Variants in NFRKB observed in about 807,000 individuals in gnomAD.
The protein encoded by NFRKB is nuclear factor related to kappaB binding protein, also known as nuclear factor related to kappa-B-binding protein.
In NFRKB, 62 loss-of-function variants were observed where a neutral mutation model predicts 135.7. That is an observed-to-expected ratio of 0.46 (90% confidence interval 0.37 to 0.56). The LOEUF is 0.56. Among genes scored for constraint, NFRKB ranks in the 20% least tolerant of loss-of-function variants. NFRKB has a pLI of 0.00. For missense variants in NFRKB, 1,545 were observed against 1,662.0 expected (o/e 0.93, Z 1.22); for synonymous variants, 678 against 635.6 (o/e 1.07, Z -1.00).
chr11:129,881,912 A>C, intron 11 of NFRKB, 59 bp from the exon 12 acceptor site: 1 of 1,544,492 alleles, frequency 6.5e-7, no homozygotes, highest in Non-Finnish European at 8.7e-7. Flanking sequence ...GCAATTCCAC[A>C]CAAGTGCCAC....
At position 129,874,476 on chromosome 11, in the gene NFRKB, C is replaced by A. The variant is rs375767535; in HGVS notation, c.2058+25G>T. On this transcript the variant is annotated intron_variant, in intron 20 of 26. Coordinates refer to ENST00000682444, the MANE Select transcript of NFRKB (RefSeq NM_001143835.2). This position sits in a 1 kb window ranked among gnomAD's most constrained non-coding sequence, Gnocchi z 4.5. ...TGCCTCCATCCCAGAATCCCTAGGGCAGACACTCTCCTGAAGTCACTTACC... is the reference window on the plus strand; with the variant it reads ...TGCCTCCATCCCAGAATCCCTAGGGAAGACACTCTCCTGAAGTCACTTACC... The A allele has an allele frequency of 1.5e-5, 24 of 1,607,520 alleles. No individual in the cohort carries two copies. The highest frequency in any genetic ancestry group is 2.0e-5 in the Non-Finnish European group (24 of 1,177,476).
rs778068389 is a variant in NFRKB, at chr11:129,873,790, C to G, written c.2505G>C (p.Gln835His). 1 of 1,614,164 alleles carries G rather than the reference C, an allele frequency of 6.2e-7. No individual in the cohort carries two copies. The highest frequency in any genetic ancestry group is 1.1e-5 in the South Asian group (1 of 91,078). Residue 835 changes from glutamine to histidine, a missense_variant, in exon 22 of 27, where the codon CAG becomes CAC. Gln to His is a conservative substitution (Grantham distance 24). This residue lies in a region of NFRKB where 753 missense variants were observed against 804.3 expected (regional missense o/e 0.94). Transcript: ENST00000682444. Reference sequence around the variant, plus strand: ...GTGTGGCAGTGGCTGGAACCCGGATCTGCGGTCCTGCTGGCATCTGTGGCA... The same window carrying G: ...GTGTGGCAGTGGCTGGAACCCGGATGTGCGGTCCTGCTGGCATCTGTGGCA... ...QTLPQMPAGP[Q>H]IRVPATATQT...
In NFRKB at chr11:129,873,069, C is replaced by T. The variant is rs900421506; in HGVS notation, c.2578G>A (p.Ala860Thr). 6.2e-7 allele frequency: 1 copy of T among 1,611,660 alleles called. No individual in the cohort carries two copies. The highest frequency in any genetic ancestry group is 8.5e-7 in the Non-Finnish European group (1 of 1,178,902). Reference sequence around the variant, plus strand: ...TGCACAGTGGCTGCCGTAGTCTGCGCTTTGACGGGCACAGTGGCCATTACT... The same window carrying T: ...TGCACAGTGGCTGCCGTAGTCTGCGTTTTGACGGGCACAGTGGCCATTACT... ...QTVMATVPVK[A>T]QTTAATVQRP... Residue 860 changes from alanine to threonine, a missense_variant, in exon 23 of 27, where the codon GCG becomes ACG. Transcript: ENST00000682444.
At chr11:129,895,385 CG>C (rs1949726956) in intron 1 of NFRKB, 110 bp downstream of exon 1, 1 of 152,930 alleles carries the variant, frequency 6.5e-6, no homozygotes, top group African/African-American at 2.4e-5. Context: ...GCCCCGCTCC[CG>C]CTCCCCACGC....
chr11:129,873,835 C>T lies in NFRKB; in HGVS notation c.2460G>A (p.Ser820=), dbSNP rs555958173. Residue 820 remains serine, a synonymous_variant, in exon 22 of 27, where the codon TCG becomes TCA. Coordinates refer to ENST00000682444, the MANE Select transcript of NFRKB (RefSeq NM_001143835.2). Reference sequence around the variant, plus strand: ...GTGGCAATGTCTGTGCCGGCCCTCCCGACTGCTGGGGAACAGCAGGAAGGC... The same window carrying T: ...GTGGCAATGTCTGTGCCGGCCCTCCTGACTGCTGGGGAACAGCAGGAAGGC... The part of the protein sequence containing the change: ...QPSLPAVPQQ[S]GGPAQTLPQM... 34 of 1,614,180 alleles carry T rather than the reference C, an allele frequency of 2.1e-5. No homozygotes were observed. The highest frequency in any genetic ancestry group is 2.7e-5 in the Non-Finnish European group (32 of 1,180,038).
intron 13 of NFRKB, 86 bp from the exon 14 acceptor site, chr11:129,878,629 A>G (rs751015743): frequency 2.1e-5 from 23 of 1,072,732 alleles, no homozygotes; most frequent in Non-Finnish European, 2.8e-5. Context: ...CTGTAACTAC[A>G]ACACAGAGAG....
intron 15 of NFRKB, among the ~76,000 whole-genome samples, chr11:129,878,040 G>A (rs1948852681): frequency 1.3e-5 from 2 of 152,098 alleles, no homozygotes; most frequent in South Asian, 2.1e-4. Flanking sequence ...GCCCAGGGAG[G>A]AGTACACATT....
At chr11:129,877,490 T>C (rs759709529) in intron 15 of NFRKB, 105 bp from the exon 16 acceptor site, 55 of 1,046,446 alleles carry the variant, frequency 5.3e-5, no homozygotes, top group Admixed American at 5.3e-5. Context: ...AAGATGTCCC[T>C]CAAGAAGCAC....
At chr11:129,887,536 A>G (rs1949335013) in intron 4 of NFRKB, among the ~76,000 whole-genome samples, 1 of 152,166 alleles carries the variant, frequency 6.6e-6, no homozygotes, top group South Asian at 2.1e-4. Context: ...GAGAAAACAA[A>G]ATGACAAATT....
intron 17 of NFRKB, among the ~76,000 whole-genome samples, chr11:129,875,900 G>A (rs968208321): frequency 2.0e-5 from 3 of 151,884 alleles, no homozygotes; most frequent in African/African-American, 4.8e-5. Context: ...CAGGTGATCC[G>A]CCTGCCTTGG....
intron 4 of NFRKB, chr11:129,888,361 A>C: frequency 1.5e-6 from 1 of 671,522 alleles, no homozygotes; most frequent in Non-Finnish European, 2.7e-6. Flanking sequence ...GCTGGTTACA[A>C]GCTGATGCTG....
At chr11:129,872,825 C>T in intron 23 of NFRKB, 59 bp downstream of exon 23, 1 of 1,509,088 alleles carries the variant, frequency 6.6e-7, no homozygotes, top group South Asian at 1.3e-5. Flanking sequence ...ACCTCCAGCT[C>T]CAGTGGTCCC....
chr11:129,877,375 A>G lies in NFRKB; in HGVS notation c.1522T>C (p.Tyr508His). 6.2e-7 allele frequency: 1 copy of G among 1,614,158 alleles called. No individual in the cohort carries two copies. Among genetic ancestry groups the G allele is most frequent in the Non-Finnish European group, 8.5e-7 (1 of 1,180,022 alleles). The change falls in exon 16 of 27, where the codon TAT (tyrosine) becomes CAT (histidine). Residue 508 changes from tyrosine (Y) to histidine (H), a missense_variant. Tyr to His is a moderately conservative substitution (Grantham distance 83). Transcript: ENST00000682444. ...TCCCCCGTGCTGGGACGCACCACAT[A>G]GTCAGTTCTTCTGGAATATAAAGAA... is the stretch of plus-strand genomic sequence containing the variant. ...TTPVPRVRTD[Y>H]VVRPSTGEEK...
At chr11:129,865,647 C>G (rs1283281466) in intron 25 of NFRKB, among the ~76,000 whole-genome samples, 2 of 152,196 alleles carry the variant, frequency 1.3e-5, no homozygotes, top group Non-Finnish European at 2.9e-5. Context: ...TATTTCTCTA[C>G]TTTACAATGT....
In NFRKB at chr11:129,878,366, AG is replaced by A; in HGVS notation, c.1465-12del. 6.2e-7 allele frequency: 1 copy of A among 1,614,208 alleles called. No homozygotes were observed. On this transcript the variant is annotated splice_polypyrimidine_tract_variant and intron_variant, in intron 14 of 26. Transcript: ENST00000682444. ...GTCTTCATTTTCTTGCTGGAGAAAAAGAAAACGTTGACAGGTAAATGGACTA... is the reference window on the plus strand; with the variant it reads ...GTCTTCATTTTCTTGCTGGAGAAAAAAAAACGTTGACAGGTAAATGGACTA...
chr11:129,877,430 G>A (rs749828494), intron 15 of NFRKB, 45 bp from the exon 16 acceptor site: 8 of 1,560,718 alleles, frequency 5.1e-6, no homozygotes, highest in Non-Finnish European at 5.3e-6. Context: ...GCTGGCACGT[G>A]TGTCAGACCC....
intron 24 of NFRKB, among the ~76,000 whole-genome samples, chr11:129,868,105 C>A (rs1157386669): frequency 6.6e-6 from 1 of 151,726 alleles, no homozygotes. Context: ...GCTGATAGAT[C>A]TAATTAGATA....
chr11:129,884,666 C>T, intron 7 of NFRKB, 79 bp downstream of exon 7: 1 of 1,507,036 alleles, frequency 6.6e-7, no homozygotes, highest in Non-Finnish European at 9.1e-7. Context: ...AATCTGCCCC[C>T]ACCCACCTCC....
intron 13 of NFRKB, among the ~76,000 whole-genome samples, chr11:129,879,068 CCT>C (rs370564983): frequency 5.9e-5 from 9 of 152,206 alleles, no homozygotes; most frequent in African/African-American, 2.2e-4. Flanking sequence ...AGAGATAAGC[CCT>C]GTCTCCTGTG....
Sources: allele counts gnomAD v4.1 joint callset (sites outside exome capture counted in the v4.1 genomes callset), GRCh38; gene constraint gnomAD v4.1.1; regional missense constraint gnomAD v4.1.1; non-coding constraint Gnocchi (gnomAD v3.1); transcripts MANE v1.5; gene names NCBI Gene and HGNC (gene_info 2026-07-23, HGNC 2026-07-21).